The following MYH14 variants were observed in gnomAD, a reference collection of about 807,000 sequenced individuals.
The protein encoded by MYH14 is myosin-14.
In MYH14, 123 loss-of-function variants were observed where a neutral mutation model predicts 255.5. That is an observed-to-expected ratio of 0.48 (90% CI 0.42 to 0.56). The LOEUF is 0.56. Ranked by LOEUF, MYH14 falls within the 20% of genes least tolerant of loss-of-function variation. MYH14 has a pLI of 0.00. For synonymous variants in MYH14, 1,095 were observed against 1,161.2 expected (o/e 0.94, Z 1.16); for missense variants, 2,423 against 2,802.3 (o/e 0.86, Z 3.06).
At chr19:50,268,676 G>A (rs2035185090) in intron 24 of MYH14, among the ~76,000 whole-genome samples, 1 of 152,200 alleles carries the variant, frequency 6.6e-6, no homozygotes, top group East Asian at 1.9e-4. Context: ...GATATCCTCA[G>A]CTTCAGGCAT....
chr19:50,292,348 C>G lies in MYH14; in HGVS notation c.5215C>G (p.Arg1739Gly). 1 of 1,592,504 alleles carries G rather than the reference C, an allele frequency of 6.3e-7. No homozygotes were observed. Among genetic ancestry groups the G allele is most frequent in the Non-Finnish European group, 8.5e-7 (1 of 1,170,126 alleles). ...CTCCCAGAATCGGGAAAGTGAAAAG[C>G]GCCTCAAGGGCCTGGAGGCTGAGGT... ...IFSQNRESEK[R>G]LKGLEAEVLR... is the part of the protein sequence containing the mutation. The change falls in exon 37 of 43, where the codon CGC (arginine) becomes GGC (glycine). Residue 1739 changes from arginine to glycine, a missense_variant. By Grantham distance (125) the Arg-to-Gly change is moderately radical (BLOSUM62 -2). Transcript: ENST00000642316.
At chr19:50,268,836 G>A (rs1226131870) in intron 24 of MYH14, among the ~76,000 whole-genome samples, 1 of 152,208 alleles carries the variant, frequency 6.6e-6, no homozygotes, top group African/African-American at 2.4e-5. Flanking sequence ...AGGCATTCAG[G>A]CAATGTTCTC....
chr19:50,241,945 C>A (rs645593), intron 10 of MYH14, among the ~76,000 whole-genome samples: 20,050 of 152,278 alleles, frequency 0.13, 1,455 homozygotes, highest in South Asian at 0.17. Flanking sequence ...ACCACCACCA[C>A]CACACCGCAC....
chr19:50,219,655 T>G (rs574373022), intron 3 of MYH14, among the ~76,000 whole-genome samples: 143 of 152,220 alleles, frequency 9.4e-4, no homozygotes, highest in African/African-American at 3.4e-3. Context: ...TGTAGCCCCT[T>G]AGACAGATGG....
chr19:50,281,809 C>T lies in MYH14; in HGVS notation c.4506C>T (p.Ser1502=), dbSNP rs1165027457. The change falls in exon 33 of 43, where the codon AGC becomes AGT. Residue 1502 remains serine, a synonymous_variant. Coordinates refer to ENST00000642316, the MANE Select transcript of MYH14 (RefSeq NM_001145809.2). The stretch of plus-strand genomic sequence containing the variant: ...TGGAGCAGCAGCGGCAGCTTGTGAG[C>T]ACCCTGGAGAAGAAGCAGCGCAAGT... ...MDLEQQRQLV[S]TLEKKQRKFD... is the part of the protein sequence containing the mutation. 6.2e-7 allele frequency: 1 copy of T among 1,612,648 alleles called. No individual in the cohort carries two copies. The highest frequency in any genetic ancestry group is 8.5e-7 in the Non-Finnish European group (1 of 1,179,728).
At position 50,271,870 on chromosome 19, in the gene MYH14, C is replaced by A; in HGVS notation, c.3193C>A (p.Arg1065Ser). 2 of 1,613,414 alleles carry A rather than the reference C, an allele frequency of 1.2e-6. No homozygotes were observed. The highest frequency in any genetic ancestry group is 1.7e-6 in the Non-Finnish European group (2 of 1,179,808). ...LSKERKLLEDRLAEFSSQAAE... is the reference protein window; with the variant it reads ...LSKERKLLEDSLAEFSSQAAE... ...TCAGGAGCGGAAGCTGCTGGAAGAT[C>A]GTCTGGCCGAGTTCTCATCCCAGGC... The change falls in exon 26 of 43, where the codon CGT (arginine) becomes AGT (serine). Residue 1065 changes from arginine to serine, a missense_variant. Arg to Ser is a moderately radical substitution (Grantham distance 110). Around this residue, in one of 3 missense-constraint regions of MYH14, gnomAD observed 1,513 missense variants for 1,674.8 expected, o/e 0.90. Coordinates refer to ENST00000642316, the MANE Select transcript of MYH14 (RefSeq NM_001145809.2).
intron 3 of MYH14, among the ~76,000 whole-genome samples, chr19:50,222,654 A>T (rs2032894152): frequency 6.6e-6 from 1 of 151,988 alleles, no homozygotes; most frequent in Non-Finnish European, 1.5e-5. Context: ...GGCGCTCAGT[A>T]GGTGGTCAGC....
rs149410749 is a variant in MYH14 at position 50,271,377 on chromosome 19, G to T, written c.3034-32G>T. 1,555 of 1,585,900 alleles carry T rather than the reference G, an allele frequency of 9.8e-4. 20 individuals carry two copies. In the South Asian group the frequency reaches 0.012, roughly 13 times the overall value. On this transcript the variant is annotated intron_variant, in intron 24 of 42. Coordinates refer to ENST00000642316, the MANE Select transcript of MYH14 (RefSeq NM_001145809.2). ...CCATCACACTCCATCTATTGGCCCAGTATCCTCACTCCTCCTGCCTTCCCA... is the reference window on the plus strand; with the variant it reads ...CCATCACACTCCATCTATTGGCCCATTATCCTCACTCCTCCTGCCTTCCCA...
intron 2 of MYH14, 55 bp downstream of exon 2, chr19:50,210,825 A>G (rs554838349): frequency 1.7e-5 from 26 of 1,526,690 alleles, no homozygotes; most frequent in Middle Eastern, 3.5e-4. Context: ...CGGTTGGGGA[A>G]CCAGGTCCAC....
rs202104229 is a variant in MYH14, at chr19:50,250,523, C to T, written c.1665C>T (p.Pro555=). ...CTGCTGTCAATGGCCAGGCCAACCC[C>T]CCTGGACTCCTGGCCCTGCTGGATG... ...CIDLIERPAN[P]PGLLALLDEE... is the part of the protein sequence containing the mutation. The change falls in exon 15 of 43, where the codon CCC becomes CCT. Residue 555 remains proline (P), a synonymous_variant. Coordinates refer to ENST00000642316, the MANE Select transcript of MYH14 (RefSeq NM_001145809.2). The surrounding 1 kb of genome is among the most constrained non-coding windows in gnomAD (Gnocchi z 5.4). 3.5e-5 allele frequency: 57 copies of T among 1,612,950 alleles called. No homozygotes were observed. Among genetic ancestry groups the T allele is most frequent in the Non-Finnish European group, 4.5e-5 (53 of 1,179,584 alleles).
chr19:50,289,254 CTGAA>C (rs1021155310), intron 34 of MYH14, among the ~76,000 whole-genome samples, 178 bp from the exon 35 acceptor site: 1 of 152,116 alleles, frequency 6.6e-6, no homozygotes, highest in African/African-American at 2.4e-5. Context: ...TGGGGTGATG[CTGAA>C]TGAGACACCT....
At chr19:50,247,671 G>A (rs1446193625) in intron 12 of MYH14, among the ~76,000 whole-genome samples, 1 of 152,092 alleles carries the variant, frequency 6.6e-6, no homozygotes, top group Non-Finnish European at 1.5e-5. Flanking sequence ...AAGCTCTAAG[G>A]ATGAAACATT....
At chr19:50,248,902 T>C in intron 12 of MYH14, 85 bp from the exon 13 acceptor site, 1 of 1,466,304 alleles carries the variant, frequency 6.8e-7, no homozygotes, top group Non-Finnish European at 9.4e-7. Context: ...GGGGACGAGC[T>C]GGGGGCCCTT....
chr19:50,302,289 A>G (rs1245607774), intron 40 of MYH14, among the ~76,000 whole-genome samples: 3 of 148,450 alleles, frequency 2.0e-5, no homozygotes, highest in Non-Finnish European at 4.5e-5. Flanking sequence ...GTCTCTAAAA[A>G]AAAAAAAAAC....
chr19:50,216,413 G>A (rs1283866742), intron 2 of MYH14, among the ~76,000 whole-genome samples: 1 of 152,060 alleles, frequency 6.6e-6, no homozygotes, highest in Non-Finnish European at 1.5e-5. Flanking sequence ...GAGCAGCCTG[G>A]GCAACGTAGT....
At chr19:50,239,845 G>A (rs675675) in intron 10 of MYH14, among the ~76,000 whole-genome samples, 19,785 of 152,002 alleles carry the variant, frequency 0.13, 1,427 homozygotes, top group South Asian at 0.19. Flanking sequence ...CACCGCGCCC[G>A]GCCACACACA....
Position 50,230,617 on chromosome 19 carries a change from C to T in MYH14, c.967C>T (p.Leu323Phe), listed in dbSNP as rs750176156. 1.2e-5 allele frequency: 19 copies of T among 1,562,106 alleles called. No homozygotes were observed. Among genetic ancestry groups the T allele is most frequent in the South Asian group, 8.3e-5 (7 of 84,562 alleles). Reference protein sequence around the residue: ...YQLLGGAGEQLKADLLLEPCS... With the variant: ...YQLLGGAGEQFKADLLLEPCS... The stretch of plus-strand genomic sequence containing the variant: ...GCTGCTGGGGGGCGCTGGAGAGCAG[C>T]TCAAAGGTCAGTGCCGCCCCGTCCT... Residue 323 changes from leucine to phenylalanine, a missense_variant, in exon 9 of 43, where the codon CTC becomes TTC. By Grantham distance (22) the Leu-to-Phe change is conservative. Coordinates refer to ENST00000642316, the MANE Select transcript of MYH14 (RefSeq NM_001145809.2). The surrounding 1 kb of genome is among the most constrained non-coding windows in gnomAD (Gnocchi z 4.7).
intron 18 of MYH14, 88 bp downstream of exon 18, chr19:50,257,574 C>A: frequency 7.8e-7 from 1 of 1,287,140 alleles, no homozygotes; most frequent in Non-Finnish European, 1.1e-6. Context: ...ACATCTGATT[C>A]GAGGACCCTC....
At chr19:50,265,808 G>A (rs1446450692) in intron 22 of MYH14, among the ~76,000 whole-genome samples, 1 of 151,986 alleles carries the variant, frequency 6.6e-6, no homozygotes, top group East Asian at 1.9e-4. Context: ...GTGACAGAGT[G>A]AGACTCTGTC....
Sources: allele counts gnomAD v4.1 joint callset (sites outside exome capture counted in the v4.1 genomes callset), GRCh38; gene constraint gnomAD v4.1.1; regional missense constraint gnomAD v4.1.1; non-coding constraint Gnocchi (gnomAD v3.1); transcripts MANE v1.5; gene names NCBI Gene and HGNC (gene_info 2026-07-23, HGNC 2026-07-21).